GALM: variants seen among roughly 807,000 people sequenced by gnomAD.
GALM encodes aldose 1-epimerase.
GALM carries 43 observed loss-of-function variants against 37.4 expected under a neutral mutation model. The observed-to-expected ratio is 1.15, with a 90% CI of 0.90 to 1.48. The LOEUF (loss-of-function observed/expected upper bound fraction) is 1.48. Among genes scored for constraint, GALM ranks in the 40% most tolerant of loss-of-function variants. The pLI is 0.00. For missense variants in GALM, 456 were observed against 419.1 expected (o/e 1.09, Z -0.77); for synonymous variants, 199 against 170.6 (o/e 1.17, Z -1.30).
intron 4 of GALM, among the ~76,000 whole-genome samples, chr2:38,721,908 C>A (rs1666383081): frequency 6.6e-6 from 1 of 152,070 alleles, no homozygotes; most frequent in African/African-American, 2.4e-5. Flanking sequence ...GTCTTTGCAA[C>A]CTTCCATGAT....
chr2:38,721,415 G>A (rs1010872783), intron 4 of GALM, among the ~76,000 whole-genome samples: 2 of 152,050 alleles, frequency 1.3e-5, no homozygotes, highest in African/African-American at 2.4e-5. Flanking sequence ...GTCATCCCCC[G>A]TCCCAGTCAC....
At chr2:38,696,766 C>T (rs1665815067) in intron 4 of GALM, among the ~76,000 whole-genome samples, 1 of 149,272 alleles carries the variant, frequency 6.7e-6, no homozygotes, top group African/African-American at 2.5e-5. Flanking sequence ...GCCACCGCAC[C>T]TACCCCCAAG....
At chr2:38,696,781 CTTTTT>C (rs34163863) in intron 4 of GALM, among the ~76,000 whole-genome samples, 1 of 68,470 alleles carries the variant, frequency 1.5e-5, no homozygotes, top group Admixed American at 1.7e-4. Flanking sequence ...CCCAAGAAAG[CTTTTT>C]TTTTTTTTTT....
chr2:38,727,405 T>C (rs1409945611), intron 4 of GALM, among the ~76,000 whole-genome samples: 1 of 151,934 alleles, frequency 6.6e-6, no homozygotes, highest in Non-Finnish European at 1.5e-5. Flanking sequence ...CTAGGAAGAC[T>C]ACATTTCTGA....
intron 4 of GALM, among the ~76,000 whole-genome samples, chr2:38,713,837 C>T (rs929904600): frequency 3.3e-5 from 5 of 150,536 alleles, no homozygotes; most frequent in Admixed American, 6.6e-5. Context: ...TCCAGGAGGT[C>T]GAGGTTGTGA....
At chr2:38,716,462 T>C (rs113343930) in intron 4 of GALM, among the ~76,000 whole-genome samples, 1 of 152,200 alleles carries the variant, frequency 6.6e-6, no homozygotes, top group Non-Finnish European at 1.5e-5. Context: ...TGTTTTGTGA[T>C]GAATGGCACT....
chr2:38,674,747 G>A (rs1270521696), intron 1 of GALM, among the ~76,000 whole-genome samples: 1 of 152,124 alleles, frequency 6.6e-6, no homozygotes, highest in Admixed American at 6.5e-5. Flanking sequence ...TATAACTTTG[G>A]CCTAGAGAAA....
intron 3 of GALM, among the ~76,000 whole-genome samples, chr2:38,686,093 G>T (rs1368217856): frequency 6.6e-6 from 1 of 151,616 alleles, no homozygotes; most frequent in Non-Finnish European, 1.5e-5. Flanking sequence ...GGTGCCTGAT[G>T]AATGTTCTTT....
At chr2:38,722,030 T>TTCC (rs1666385953) in intron 4 of GALM, among the ~76,000 whole-genome samples, 26 of 41,394 alleles carry the variant, frequency 6.3e-4, no homozygotes, top group East Asian at 1.1e-3. Context: ...TGCCTTCCCT[T>TTCC]CCCCCCCCCA....
intron 2 of GALM, among the ~76,000 whole-genome samples, chr2:38,677,260 TAGAGAAGAGCC>T (rs112771713): frequency 6.4e-4 from 97 of 152,304 alleles, no homozygotes; most frequent in African/African-American, 1.9e-3. Context: ...GGTTATTTGC[TAGAGAAGAGCC>T]AGAGAAGAGC....
chr2:38,682,536 T>C (rs1665422179), intron 3 of GALM, among the ~76,000 whole-genome samples: 1 of 152,180 alleles, frequency 6.6e-6, no homozygotes, highest in South Asian at 2.1e-4. Context: ...AAGTTCTCCC[T>C]TTAAAAAAGT....
rs12053556 is a variant in GALM, at chr2:38,673,805, G to A, written c.191-2107G>A. On this transcript the variant is annotated intron_variant, in intron 1 of 6. Coordinates refer to ENST00000272252, the MANE Select transcript of GALM (RefSeq NM_138801.3). ...AGCCTGGGCGACAGAGCGAGACTCC[G>A]TCTCAAAAAAAAAAAAAAAGGGAAC... is the stretch of plus-strand genomic sequence containing the variant. Among the ~76,000 whole-genome samples the A allele has an allele frequency of 0.01, 1,282 of 123,554 alleles. 65 individuals are homozygous for A. In the East Asian group the frequency reaches 0.2, roughly 19 times the overall value. 81.1% of individuals were successfully genotyped at this position (123,554 alleles called of 152,430 possible).
chr2:38,699,183 G>A (rs553919576), intron 4 of GALM, among the ~76,000 whole-genome samples: 199 of 152,246 alleles, frequency 1.3e-3, no homozygotes, highest in African/African-American at 4.5e-3. Context: ...CAAAGTGCTG[G>A]GGTTACAGGC....
At position 38,717,811 on chromosome 2, in the gene GALM, G is replaced by C. The variant is rs554064907; in HGVS notation, c.635-11745G>C. Among the ~76,000 whole-genome samples, 3 of 150,780 alleles carry C rather than the reference G, an allele frequency of 2.0e-5. No homozygotes were observed. In the East Asian group the frequency reaches 6.3e-4, roughly 32 times the overall value. ...AAGACAGCTTGCATAGATTTGTAAA[G>C]CAAAATACGGAACAAATTATATAAA... On this transcript the variant is annotated intron_variant, in intron 4 of 6. Transcript: ENST00000272252.
intron 4 of GALM, among the ~76,000 whole-genome samples, chr2:38,719,449 A>G (rs1053089740): frequency 8.1e-5 from 11 of 135,724 alleles, no homozygotes; most frequent in African/African-American, 3.0e-4. Flanking sequence ...AGCCTAGGCA[A>G]CAAAATGAGA....
At chr2:38,718,316 C>T (rs977237820) in intron 4 of GALM, among the ~76,000 whole-genome samples, 4 of 151,156 alleles carry the variant, frequency 2.6e-5, no homozygotes, top group African/African-American at 9.7e-5. Flanking sequence ...TCTCCTGCCT[C>T]AGCCTCCCAA....
chr2:38,711,893 A>C (rs1003794074), intron 4 of GALM, among the ~76,000 whole-genome samples: 9 of 36,436 alleles, frequency 2.5e-4, no homozygotes, highest in Non-Finnish European at 3.3e-4. Flanking sequence ...ATCTTAAGTA[A>C]GTGCTTTGCC....
At chr2:38,698,837 G>C (rs1290542597) in intron 4 of GALM, among the ~76,000 whole-genome samples, 1 of 152,174 alleles carries the variant, frequency 6.6e-6, no homozygotes. Context: ...TTGAACTCCT[G>C]AGCTCTCAAG....
intron 4 of GALM, among the ~76,000 whole-genome samples, chr2:38,724,486 T>A (rs893957018): frequency 6.6e-6 from 1 of 152,150 alleles, no homozygotes; most frequent in Admixed American, 6.5e-5. Flanking sequence ...GGAACATTCA[T>A]TCTAGTTATG....
Sources: allele counts gnomAD v4.1 joint callset (sites outside exome capture counted in the v4.1 genomes callset), GRCh38; gene constraint gnomAD v4.1.1; transcripts MANE v1.5; gene names NCBI Gene and HGNC (gene_info 2026-07-23, HGNC 2026-07-21).